Variants in UNC13C observed in about 807,000 individuals in gnomAD.
UNC13C encodes the protein unc-13 homolog C.
Under a neutral mutation model 245.4 loss-of-function variants are expected in UNC13C, and 174 were observed. That is an observed-to-expected ratio of 0.71 (90% CI 0.63 to 0.80). The LOEUF is 0.80. UNC13C is among the 30% of genes least tolerant of loss of function. The pLI is 0.00. For synonymous variants in UNC13C, 992 were observed against 895.1 expected, an observed-to-expected ratio of 1.11 and a Z score of -1.93; for missense variants, 2,829 against 2,602.9, an observed-to-expected ratio of 1.09 and a Z score of -1.89.
upstream of UNC13C, among the ~76,000 whole-genome samples, chr15:53,977,272 T>A (rs1354900767): frequency 6.6e-6 from 1 of 152,284 alleles, no homozygotes; most frequent in East Asian, 1.9e-4. Flanking sequence ...TTTTTAAACA[T>A]CATGGAGAGG....
At chr15:54,592,792 A>T (rs1898865331) in intron 30 of UNC13C, among the ~76,000 whole-genome samples, 1 of 150,116 alleles carries the variant, frequency 6.7e-6, no homozygotes. Flanking sequence ...ATTTACATTT[A>T]ATGTTAGTAT....
intron 2 of UNC13C, among the ~76,000 whole-genome samples, chr15:54,066,633 A>C (rs989859573): frequency 6.6e-6 from 1 of 152,170 alleles, no homozygotes; most frequent in African/African-American, 2.4e-5. Context: ...TGTGAGCCTC[A>C]GAGGTCACGT....
intron 1 of UNC13C, among the ~76,000 whole-genome samples, chr15:53,995,148 A>G (rs1274626862): frequency 6.6e-6 from 1 of 152,180 alleles, no homozygotes; most frequent in Admixed American, 6.5e-5. Context: ...TAATGGTTAT[A>G]TAGACCCAAC....
chr15:54,102,970 G>C (rs1379928764), intron 2 of UNC13C, among the ~76,000 whole-genome samples: 1 of 152,208 alleles, frequency 6.6e-6, no homozygotes, highest in African/African-American at 2.4e-5. Flanking sequence ...CCTGTTGGTG[G>C]CTGTCGTAGG....
At chr15:54,386,116 A>C (rs573320) in intron 17 of UNC13C, among the ~76,000 whole-genome samples, 121,123 of 152,120 alleles carry the variant, frequency 0.8, 48,357 homozygotes, top group East Asian at 0.92. Context: ...CCGTCTGTAT[A>C]TATAAACTCA....
At chr15:54,259,818 GC>G (rs1165855886) in intron 8 of UNC13C, among the ~76,000 whole-genome samples, 1 of 152,186 alleles carries the variant, frequency 6.6e-6, no homozygotes, top group African/African-American at 2.4e-5. Context: ...TGGGAATACA[GC>G]CTCTGTTTTC....
At chr15:54,053,267 A>G (rs1027799288) in intron 2 of UNC13C, among the ~76,000 whole-genome samples, 2 of 152,094 alleles carry the variant, frequency 1.3e-5, no homozygotes, top group African/African-American at 4.8e-5. Flanking sequence ...CCTGACCTCA[A>G]GTGATACACT....
the UNC13C span, among the ~76,000 whole-genome samples, chr15:53,870,468 A>G: frequency 2.2e-5 from 3 of 138,112 alleles, no homozygotes; most frequent in South Asian, 5.3e-4. Context: ...ATCCTGGACC[A>G]TGTGGGTGAG....
intron 29 of UNC13C, among the ~76,000 whole-genome samples, chr15:54,562,920 C>T (rs762332989): frequency 1.1e-4 from 16 of 152,156 alleles, no homozygotes; most frequent in Non-Finnish European, 2.2e-4. Flanking sequence ...AACCCTTATA[C>T]TTGACCTGTC....
At chr15:54,433,891 A>G (rs181077712) in intron 19 of UNC13C, among the ~76,000 whole-genome samples, 116 of 152,270 alleles carry the variant, frequency 7.6e-4, no homozygotes, top group African/African-American at 2.5e-3. Context: ...AAGTCTCAAG[A>G]TACAAAATCG....
At chr15:54,234,034 T>G (rs904848989) in intron 4 of UNC13C, among the ~76,000 whole-genome samples, 3 of 152,198 alleles carry the variant, frequency 2.0e-5, no homozygotes, top group Non-Finnish European at 4.4e-5. Context: ...TGTTAATACC[T>G]CTTAGAAAAT....
intron 12 of UNC13C, among the ~76,000 whole-genome samples, chr15:54,298,728 T>TA (rs1315368499): frequency 6.6e-6 from 1 of 152,144 alleles, no homozygotes; most frequent in Non-Finnish European, 1.5e-5. Flanking sequence ...AGAGCTTAGT[T>TA]AGAGGTGTCA....
At chr15:54,130,209 G>A (rs961042018) in intron 2 of UNC13C, among the ~76,000 whole-genome samples, 1 of 148,500 alleles carries the variant, frequency 6.7e-6, no homozygotes, top group Non-Finnish European at 1.5e-5. Context: ...AATCACCATT[G>A]TTGATTTCTT....
intron 2 of UNC13C, among the ~76,000 whole-genome samples, chr15:54,087,246 C>G (rs1259634584): frequency 6.6e-6 from 1 of 151,964 alleles, no homozygotes; most frequent in Non-Finnish European, 1.5e-5. Context: ...ATCAAAGAGT[C>G]TTAAAATTTA....
intron 2 of UNC13C, chr15:54,049,063 T>C (rs1032474276): frequency 1.8e-5 from 7 of 383,592 alleles, no homozygotes; most frequent in African/African-American, 1.1e-4. Flanking sequence ...TCTCTATTTT[T>C]ATCAATGAAA....
At chr15:54,085,718 T>A (rs1899202229) in intron 2 of UNC13C, among the ~76,000 whole-genome samples, 1 of 152,092 alleles carries the variant, frequency 6.6e-6, no homozygotes, top group Non-Finnish European at 1.5e-5. Context: ...AAGTGCCTTT[T>A]AAAAAATCTT....
chr15:54,355,870 TA>T lies in UNC13C; in HGVS notation c.4713+17382del, dbSNP rs201236547. Among the ~76,000 whole-genome samples the T allele has an allele frequency of 3.2e-4, 49 of 152,314 alleles. No homozygotes were observed. In the East Asian group the frequency reaches 9.1e-3, roughly 28 times the overall value. On this transcript the variant is annotated intron_variant, in intron 17 of 32. Coordinates refer to ENST00000260323, the MANE Select transcript of UNC13C (RefSeq NM_001080534.3). The stretch of plus-strand genomic sequence containing the variant: ...GATACTGCATTCATACCTATGTATA[TA>T]TATGCTTTCCAAATATGAACGTGTC...
chr15:54,125,574 G>A (rs7165980), intron 2 of UNC13C, among the ~76,000 whole-genome samples: 3 of 151,998 alleles, frequency 2.0e-5, no homozygotes, highest in Admixed American at 1.3e-4. Flanking sequence ...ATTCACAAAC[G>A]TGGTACATCT....
intron 17 of UNC13C, among the ~76,000 whole-genome samples, chr15:54,373,430 G>A (rs1322986792): frequency 6.6e-6 from 1 of 152,172 alleles, no homozygotes; most frequent in Non-Finnish European, 1.5e-5. Flanking sequence ...GAAGCAGTGA[G>A]GGGTGTATGA....
Sources: allele counts gnomAD v4.1 joint callset (sites outside exome capture counted in the v4.1 genomes callset), GRCh38; gene constraint gnomAD v4.1.1; transcripts MANE v1.5; gene names NCBI Gene and HGNC (gene_info 2026-07-23, HGNC 2026-07-21).